The following TUBGCP3 variants were observed in gnomAD, a reference collection of about 807,000 sequenced individuals.
TUBGCP3 encodes tubulin gamma complex component 3.
TUBGCP3 carries 50 observed loss-of-function variants against 123.1 expected under a neutral mutation model. That is an observed-to-expected ratio of 0.41 (90% CI 0.32 to 0.51). The LOEUF (loss-of-function observed/expected upper bound fraction) is 0.51. TUBGCP3 is among the 20% of genes least tolerant of loss of function. The pLI is 0.36. For synonymous variants in TUBGCP3, 405 were observed against 413.9 expected, an observed-to-expected ratio of 0.98 and a Z score of 0.26; for missense variants, 882 against 1,127.0, an observed-to-expected ratio of 0.78 and a Z score of 3.11.
chr13:112,486,293 G>A (rs2139171756), intron 21 of TUBGCP3, 142 bp from the exon 22 acceptor site: 1 of 1,044,310 alleles, frequency 9.6e-7, no homozygotes, highest in Non-Finnish European at 1.4e-6. Context: ...ACCAGGGCAG[G>A]TGTCCAGGGA....
intron 11 of TUBGCP3, among the ~76,000 whole-genome samples, chr13:112,543,850 A>C (rs1015713495): frequency 6.6e-6 from 1 of 152,156 alleles, no homozygotes; most frequent in African/African-American, 2.4e-5. Flanking sequence ...TCCATGATTC[A>C]CTCCTAAAAA....
intron 21 of TUBGCP3, among the ~76,000 whole-genome samples, chr13:112,486,506 A>T (rs1445424029): frequency 6.6e-6 from 1 of 152,270 alleles, no homozygotes; most frequent in African/African-American, 2.4e-5. Flanking sequence ...TTTTGAATAC[A>T]AAACTCAGTG....
chr13:112,501,929 G>A (rs901403439), intron 19 of TUBGCP3, among the ~76,000 whole-genome samples: 19 of 152,116 alleles, frequency 1.2e-4, no homozygotes, highest in Non-Finnish European at 2.9e-5. Context: ...AATTTATCTC[G>A]TACAGAAGGT....
intron 1 of TUBGCP3, among the ~76,000 whole-genome samples, chr13:112,577,829 T>C (rs1324777226): frequency 6.6e-6 from 1 of 152,196 alleles, no homozygotes; most frequent in Non-Finnish European, 1.5e-5. Context: ...TGGGGAGCCA[T>C]GGCATCAATA....
At chr13:112,521,152 A>T (rs1306514523) in intron 14 of TUBGCP3, among the ~76,000 whole-genome samples, 8 of 152,184 alleles carry the variant, frequency 5.3e-5, no homozygotes, top group Admixed American at 5.2e-4. Flanking sequence ...CCCCCATGGC[A>T]TTAGAGAACA....
chr13:112,539,838 G>A (rs1009173194), intron 11 of TUBGCP3, among the ~76,000 whole-genome samples: 2 of 142,024 alleles, frequency 1.4e-5, no homozygotes, highest in East Asian at 2.0e-4. Context: ...GGACGTCAAT[G>A]TAGTAGCCTA....
At chr13:112,512,317 A>G (rs1341997898) in intron 17 of TUBGCP3, among the ~76,000 whole-genome samples, 1 of 151,432 alleles carries the variant, frequency 6.6e-6, no homozygotes, top group Admixed American at 6.6e-5. Flanking sequence ...AATCCCAGCT[A>G]CTCAGGAGGC....
chr13:112,494,471 C>A (rs1295144940), intron 20 of TUBGCP3, among the ~76,000 whole-genome samples: 3 of 152,230 alleles, frequency 2.0e-5, no homozygotes, highest in Non-Finnish European at 4.4e-5. Flanking sequence ...GTGCTGCCTA[C>A]TTAGGCCCAG....
chr13:112,542,529 A>G (rs965433327), intron 11 of TUBGCP3, among the ~76,000 whole-genome samples: 1 of 152,236 alleles, frequency 6.6e-6, no homozygotes, highest in Admixed American at 6.5e-5. Context: ...CTTTAAGTCA[A>G]TTCAATAATT....
rs150066402 is a variant in TUBGCP3 at position 112,552,609 on chromosome 13, A to G, written c.966+1448T>C. ...TAATCACTACCCCACTCTATGCAGG[A>G]AGAAACTTGTGGCCAACAGAAGATA... On this transcript the variant is annotated intron_variant, in intron 8 of 21. Coordinates refer to ENST00000261965, the MANE Select transcript of TUBGCP3 (RefSeq NM_006322.6). Among the ~76,000 whole-genome samples the G allele has an allele frequency of 5.7e-3, 867 of 152,322 alleles. 10 individuals are homozygous for G. The highest frequency in any genetic ancestry group is 0.02 in the African/African-American group (831 of 41,560).
At chr13:112,530,985 C>T (rs1877527068) in intron 11 of TUBGCP3, among the ~76,000 whole-genome samples, 1 of 152,182 alleles carries the variant, frequency 6.6e-6, no homozygotes, top group South Asian at 2.1e-4. Context: ...TAATTCTAGC[C>T]AAATACTGAA....
chr13:112,510,884 A>G (rs1881633105), intron 17 of TUBGCP3, among the ~76,000 whole-genome samples: 1 of 152,122 alleles, frequency 6.6e-6, no homozygotes, highest in Non-Finnish European at 1.5e-5. Flanking sequence ...GATCCAAAAG[A>G]CTTTTGTTAA....
At chr13:112,596,500 T>C in the TUBGCP3 span, among the ~76,000 whole-genome samples, 3 of 152,208 alleles carry the variant, frequency 2.0e-5, no homozygotes, top group African/African-American at 7.2e-5. Flanking sequence ...TAGGATGTTA[T>C]TTCTCTCTGG....
At chr13:112,566,976 A>G (rs1480137365) in intron 2 of TUBGCP3, among the ~76,000 whole-genome samples, 2 of 152,258 alleles carry the variant, frequency 1.3e-5, no homozygotes, top group East Asian at 3.8e-4. Flanking sequence ...TATTCCAAAG[A>G]GCAGAGCTAC....
intron 20 of TUBGCP3, among the ~76,000 whole-genome samples, chr13:112,496,144 C>T (rs1880513351): frequency 6.6e-6 from 1 of 152,076 alleles, no homozygotes; most frequent in African/African-American, 2.4e-5. Context: ...ATGTTAGAAA[C>T]CAATGTTTTC....
intron 1 of TUBGCP3, among the ~76,000 whole-genome samples, chr13:112,581,636 G>A (rs993094542): frequency 3.3e-5 from 5 of 152,000 alleles, no homozygotes; most frequent in African/African-American, 1.2e-4. Flanking sequence ...TGTACAGACA[G>A]GGTCTTACCA....
At chr13:112,509,381 A>G (rs563388627) in intron 17 of TUBGCP3, among the ~76,000 whole-genome samples, 1 of 152,330 alleles carries the variant, frequency 6.6e-6, no homozygotes, top group Non-Finnish European at 1.5e-5. Context: ...TGGGCCCTCA[A>G]TGATGATTTC....
upstream of TUBGCP3, among the ~76,000 whole-genome samples, chr13:112,588,380 T>C (rs746469654): frequency 6.6e-6 from 1 of 152,124 alleles, no homozygotes; most frequent in Non-Finnish European, 1.5e-5. Flanking sequence ...GGTAGCACCA[T>C]AAAGGCCATA....
In TUBGCP3 at chr13:112,558,315, G is replaced by A; in HGVS notation, c.429C>T (p.Tyr143=). 2 of 1,613,984 alleles carry A rather than the reference G, an allele frequency of 1.2e-6. No individual in the cohort carries two copies. Among genetic ancestry groups the A allele is most frequent in the Non-Finnish European group, 1.7e-6 (2 of 1,180,018 alleles). ...YARPQTLPLS[Y]QDRSAQSAQS... ...GGGCTGACTGGGCACTCCGATCTTG[G>A]TAGCTCAGGGGAAGGGTCTGAGGCC... is the stretch of plus-strand genomic sequence containing the variant. The change falls in exon 5 of 22, where the codon TAC becomes TAT. Residue 143 remains tyrosine (Y), a synonymous_variant. Coordinates refer to ENST00000261965, the MANE Select transcript of TUBGCP3 (RefSeq NM_006322.6).
Sources: gnomAD v4.1 joint callset for allele counts (sites outside exome capture counted in the v4.1 genomes callset) on GRCh38, gnomAD v4.1.1 for gene constraint, MANE v1.5 for transcripts, NCBI Gene and HGNC (gene_info 2026-07-23, HGNC 2026-07-21) for gene names.